The following BICC1 variants were observed in gnomAD, a reference collection of about 807,000 sequenced individuals.
BICC1 encodes the protein protein bicaudal C homolog 1.
A neutral mutation model predicts 111.0 loss-of-function variants in BICC1; 43 were observed. The observed-to-expected ratio is 0.39, with a 90% CI of 0.30 to 0.50. The LOEUF (loss-of-function observed/expected upper bound fraction) is 0.50. BICC1 is among the 20% of genes least tolerant of loss of function. The probability of loss-of-function intolerance (pLI) is 0.88; values close to 1 mark genes in which losing one functional copy is unlikely to be tolerated. For missense variants in BICC1, 1,091 were observed against 1,203.2 expected, an observed-to-expected ratio of 0.91 and a Z score of 1.38; for synonymous variants, 467 against 434.4, an observed-to-expected ratio of 1.07 and a Z score of -0.93.
intron 1 of BICC1, among the ~76,000 whole-genome samples, chr10:58,573,919 T>A (rs1053397257): frequency 1.3e-5 from 2 of 152,182 alleles, no homozygotes; most frequent in Non-Finnish European, 2.9e-5. Flanking sequence ...CCTATAGTAT[T>A]TCTGACCACT....
chr10:58,619,518 A>G (rs946490995), intron 1 of BICC1, among the ~76,000 whole-genome samples: 1 of 145,762 alleles, frequency 6.9e-6, no homozygotes, highest in African/African-American at 2.5e-5. Context: ...CTCTGTCGCC[A>G]GGCTGGAGTG....
intron 2 of BICC1, among the ~76,000 whole-genome samples, chr10:58,657,479 G>A (rs191463684): frequency 1.2e-3 from 184 of 152,242 alleles, no homozygotes; most frequent in Non-Finnish European, 1.9e-3. Flanking sequence ...GATTGAACTG[G>A]CACCACCTGC....
chr10:58,528,189 C>CGT (rs1006456144), intron 1 of BICC1, among the ~76,000 whole-genome samples: 7 of 151,796 alleles, frequency 4.6e-5, no homozygotes, highest in African/African-American at 1.7e-4. Context: ...AGCAAAGTCA[C>CGT]GTGCTTGGCC....
intron 3 of BICC1, among the ~76,000 whole-genome samples, chr10:58,729,345 TC>T (rs1162500962): frequency 6.6e-6 from 1 of 152,256 alleles, no homozygotes; most frequent in Non-Finnish European, 1.5e-5. Context: ...GGAGATGGCA[TC>T]TTTTCTTAAA....
intron 2 of BICC1, among the ~76,000 whole-genome samples, chr10:58,697,827 G>T (rs1189867927): frequency 6.6e-6 from 1 of 151,686 alleles, no homozygotes; most frequent in Non-Finnish European, 1.5e-5. Flanking sequence ...AGATGTGCTT[G>T]TCAGCCCCCG....
intron 1 of BICC1, among the ~76,000 whole-genome samples, chr10:58,545,099 A>C (rs1461617948): frequency 1.3e-5 from 2 of 151,994 alleles, no homozygotes; most frequent in Non-Finnish European, 2.9e-5. Flanking sequence ...TGAGACAATA[A>C]ATTTATATTG....
At chr10:58,648,681 C>T in intron 2 of BICC1, 18 of 983,446 alleles carry the variant, frequency 1.8e-5, no homozygotes, top group Non-Finnish European at 2.1e-5. Flanking sequence ...TACAGAATGC[C>T]TCTACACTGT....
At chr10:58,799,541 T>A (rs1589150764) in intron 12 of BICC1, among the ~76,000 whole-genome samples, 2 of 152,128 alleles carry the variant, frequency 1.3e-5, no homozygotes, top group African/African-American at 4.8e-5. Context: ...AAGGTAGGGG[T>A]CTGGTTTCAT....
intron 2 of BICC1, among the ~76,000 whole-genome samples, chr10:58,670,273 A>T (rs1490344605): frequency 1.3e-5 from 2 of 152,168 alleles, no homozygotes; most frequent in African/African-American, 4.8e-5. Flanking sequence ...TACTAGTGTC[A>T]ATATTTCTTA....
chr10:58,584,715 T>G (rs1268381100), intron 1 of BICC1, among the ~76,000 whole-genome samples: 1 of 152,104 alleles, frequency 6.6e-6, no homozygotes, highest in Non-Finnish European at 1.5e-5. Context: ...TCCAAAGACA[T>G]GGGACTTTTA....
At chr10:58,684,666 G>C (rs1233377769) in intron 2 of BICC1, among the ~76,000 whole-genome samples, 1 of 152,166 alleles carries the variant, frequency 6.6e-6, no homozygotes, top group Non-Finnish European at 1.5e-5. Flanking sequence ...TTTGCATAGA[G>C]GTGTTTATAG....
chr10:58,544,903 T>G (rs1439844454), intron 1 of BICC1, among the ~76,000 whole-genome samples: 1 of 152,066 alleles, frequency 6.6e-6, no homozygotes, highest in African/African-American at 2.4e-5. Flanking sequence ...CTGGTATTCT[T>G]ATTAACAAGG....
chr10:58,760,884 A>G (rs1842295766), intron 3 of BICC1, among the ~76,000 whole-genome samples: 1 of 152,170 alleles, frequency 6.6e-6, no homozygotes, highest in African/African-American at 2.4e-5. Flanking sequence ...TTTATCTAAA[A>G]CAGAGCTATG....
At chr10:58,547,049 A>G (rs761678905) in intron 1 of BICC1, among the ~76,000 whole-genome samples, 24 of 152,204 alleles carry the variant, frequency 1.6e-4, no homozygotes, top group Admixed American at 7.9e-4. Flanking sequence ...AGATAAAGTT[A>G]TGAATATAGT....
chr10:58,829,186 T>G lies in BICC1; in HGVS notation c.*295T>G. ...TTATTTACCTATATAACATATGCAC[T>G]GATGATTTTTTTTTTTTTTTTTTTT... On this transcript the variant is annotated 3_prime_UTR_variant, in exon 21 of 21. Coordinates refer to ENST00000373886, the MANE Select transcript of BICC1 (RefSeq NM_001080512.3). 6.5e-6 allele frequency: 1 copy of G among 153,336 alleles called. No individual in the cohort carries two copies. 9.5% of individuals were successfully genotyped at this position (153,336 alleles called of 1,614,324 possible). A position where few individuals can be genotyped will look rare whatever the true frequency, so the allele number is the denominator to read the frequency against.
chr10:58,524,567 T>G (rs1335068372), intron 1 of BICC1, among the ~76,000 whole-genome samples: 14 of 152,164 alleles, frequency 9.2e-5, no homozygotes, highest in South Asian at 2.1e-4. Flanking sequence ...AATTCAAGAT[T>G]GATTAAAGAC....
At chr10:58,745,602 G>GCCC (rs35346412) in intron 3 of BICC1, among the ~76,000 whole-genome samples, 3,259 of 78,586 alleles carry the variant, frequency 0.041, 108 homozygotes, top group African/African-American at 0.079. Flanking sequence ...GCCCCCCACC[G>GCCC]CCCCCCCCCC....
At chr10:58,594,530 G>T (rs750859631) in intron 1 of BICC1, among the ~76,000 whole-genome samples, 1 of 152,142 alleles carries the variant, frequency 6.6e-6, no homozygotes, top group Admixed American at 6.5e-5. Context: ...GGATCTCTCC[G>T]TAGAAACCCT....
intron 2 of BICC1, among the ~76,000 whole-genome samples, chr10:58,644,436 A>G (rs1436787429): frequency 1.3e-5 from 2 of 152,146 alleles, no homozygotes; most frequent in African/African-American, 4.8e-5. Flanking sequence ...ACTCCCTAAA[A>G]CAATCGATCC....
Sources: allele counts gnomAD v4.1 joint callset (sites outside exome capture counted in the v4.1 genomes callset), GRCh38; gene constraint gnomAD v4.1.1; transcripts MANE v1.5; gene names NCBI Gene and HGNC (gene_info 2026-07-23, HGNC 2026-07-21).